MARCHF1: variants seen among roughly 807,000 people sequenced by gnomAD.
MARCHF1 encodes the protein E3 ubiquitin-protein ligase MARCHF1.
Under a neutral mutation model 54.2 loss-of-function variants are expected in MARCHF1, and 40 were observed. The observed-to-expected ratio is 0.74, with a 90% CI of 0.57 to 0.96. The LOEUF is 0.96. MARCHF1 is among the 40% of genes least tolerant of loss of function. The pLI is 0.00. For synonymous variants in MARCHF1, 236 were observed against 236.3 expected, an observed-to-expected ratio of 1.00 and a Z score of 0.01; for missense variants, 586 against 656.5, an observed-to-expected ratio of 0.89 and a Z score of 1.17.
chr4:164,096,856 T>C (rs73871761), intron 2 of MARCHF1, among the ~76,000 whole-genome samples: 14 of 152,120 alleles, frequency 9.2e-5, no homozygotes, highest in Non-Finnish European at 1.6e-4. Context: ...AGAAATTTAT[T>C]TGAAAACATT....
intron 1 of MARCHF1, among the ~76,000 whole-genome samples, chr4:164,184,544 CA>C (rs1218096454): frequency 6.6e-6 from 1 of 152,150 alleles, no homozygotes; most frequent in African/African-American, 2.4e-5. Flanking sequence ...AGGGTTATAC[CA>C]GTTAAATAGT....
chr4:164,197,615 T>C (rs746351861), intron 1 of MARCHF1: 37 of 1,612,974 alleles, frequency 2.3e-5, no homozygotes, highest in Non-Finnish European at 3.1e-5. Context: ...GCTTCGAGTT[T>C]GCCTTCATTC....
intron 5 of MARCHF1, among the ~76,000 whole-genome samples, chr4:163,682,138 C>T (rs939802805): frequency 2.6e-5 from 4 of 152,142 alleles, no homozygotes; most frequent in African/African-American, 9.7e-5. Flanking sequence ...ATGCTCTAAC[C>T]AAGAGACTGG....
At chr4:164,073,305 A>G (rs966225808) in intron 2 of MARCHF1, among the ~76,000 whole-genome samples, 17 of 152,214 alleles carry the variant, frequency 1.1e-4, no homozygotes, top group Admixed American at 3.9e-4. Flanking sequence ...ACCATGGAAT[A>G]CTATGCAGCC....
At chr4:163,714,803 AGG>A (rs1365202818) in intron 4 of MARCHF1, among the ~76,000 whole-genome samples, 1 of 152,072 alleles carries the variant, frequency 6.6e-6, no homozygotes, top group Non-Finnish European at 1.5e-5. Context: ...AACAGTAGCT[AGG>A]ACTACAGGCA....
intron 7 of MARCHF1, among the ~76,000 whole-genome samples, chr4:163,595,226 G>T (rs1212421398): frequency 1.4e-5 from 2 of 145,756 alleles, no homozygotes; most frequent in African/African-American, 5.1e-5. Context: ...AAGAAAATAT[G>T]GTATAAGCCA....
At chr4:164,079,788 A>G (rs1755056976) in intron 2 of MARCHF1, among the ~76,000 whole-genome samples, 1 of 152,160 alleles carries the variant, frequency 6.6e-6, no homozygotes, top group Admixed American at 6.5e-5. Flanking sequence ...GAAATTTCAC[A>G]ACACACATTC....
chr4:164,344,842 T>G (rs1730032020), intron 1 of MARCHF1, among the ~76,000 whole-genome samples: 1 of 152,164 alleles, frequency 6.6e-6, no homozygotes, highest in African/African-American at 2.4e-5. Context: ...CATTACAAAT[T>G]AAAGAAACTG....
chr4:163,774,501 G>GC lies in MARCHF1; in HGVS notation c.112-73639dup, dbSNP rs767124706. On this transcript the variant is annotated intron_variant, in intron 4 of 9. Coordinates refer to ENST00000514618, the MANE Select transcript of MARCHF1 (RefSeq NM_001394959.1). ...TATGTTTAGTGCACTCAAGTGTTAG[G>GC]CTTTTTTTTTTTTTTTGACAGAGTC... is the stretch of plus-strand genomic sequence containing the variant. Among the ~76,000 whole-genome samples, 12 of 40,080 alleles carry GC rather than the reference G, an allele frequency of 3.0e-4. No homozygotes were observed. The East Asian group carries it at 0.014, about 46-fold the overall frequency. 26.3% of individuals were successfully genotyped at this position (40,080 alleles called of 152,430 possible).
intron 4 of MARCHF1, among the ~76,000 whole-genome samples, chr4:163,768,494 A>C (rs1747057173): frequency 6.6e-6 from 1 of 152,238 alleles, no homozygotes. Flanking sequence ...GGGGAAAAAC[A>C]AAAAAAGTTC....
chr4:163,682,987 G>A (rs1744154397), intron 5 of MARCHF1, among the ~76,000 whole-genome samples: 1 of 152,196 alleles, frequency 6.6e-6, no homozygotes, highest in Non-Finnish European at 1.5e-5. Flanking sequence ...GCATTAAAAT[G>A]TATTGTTGTA....
intron 2 of MARCHF1, among the ~76,000 whole-genome samples, chr4:164,097,465 T>C (rs993549057): frequency 3.9e-5 from 6 of 152,214 alleles, no homozygotes; most frequent in African/African-American, 1.4e-4. Flanking sequence ...TAAACTATGA[T>C]TTATACTCAT....
chr4:164,339,365 T>C (rs1404935430), intron 1 of MARCHF1, among the ~76,000 whole-genome samples: 1 of 152,190 alleles, frequency 6.6e-6, no homozygotes. Flanking sequence ...AAGGTTAGAA[T>C]AATAATTATC....
chr4:163,846,644 T>C (rs1749492653), intron 4 of MARCHF1, among the ~76,000 whole-genome samples: 1 of 152,148 alleles, frequency 6.6e-6, no homozygotes, highest in Non-Finnish European at 1.5e-5. Flanking sequence ...ACAGAAGTAA[T>C]TTTGTAATCA....
intron 4 of MARCHF1, among the ~76,000 whole-genome samples, chr4:163,717,229 G>C (rs1745292508): frequency 6.9e-6 from 1 of 144,158 alleles, no homozygotes; most frequent in African/African-American, 2.6e-5. Context: ...TCCCACCTAT[G>C]AGTGAGAACA....
intron 1 of MARCHF1, among the ~76,000 whole-genome samples, chr4:164,293,584 T>C (rs1171827948): frequency 6.6e-6 from 1 of 152,256 alleles, no homozygotes; most frequent in Non-Finnish European, 1.5e-5. Context: ...AATACAATGA[T>C]ATTTTAGTGT....
At chr4:164,068,865 G>C (rs1045852849) in intron 2 of MARCHF1, among the ~76,000 whole-genome samples, 1 of 152,222 alleles carries the variant, frequency 6.6e-6, no homozygotes, top group African/African-American at 2.4e-5. Flanking sequence ...TTAAGGGATT[G>C]TAAATACACC....
chr4:163,978,008 T>C lies in MARCHF1; in HGVS notation c.-39+10493A>G, dbSNP rs116637922. On this transcript the variant is annotated intron_variant, in intron 3 of 9. Transcript: ENST00000514618. ...AATATTTAAAATATTCAAAAGCCCATGAAATGTTGAAAAAATTAGCATAAA... is the reference window on the plus strand; with the variant it reads ...AATATTTAAAATATTCAAAAGCCCACGAAATGTTGAAAAAATTAGCATAAA... 2.0e-3 allele frequency among the ~76,000 whole-genome samples: 310 copies of C among 152,264 alleles called. 1 individual carries two copies. Among genetic ancestry groups the C allele is most frequent in the African/African-American group, 7.3e-3 (303 of 41,564 alleles).
At chr4:163,670,708 A>T (rs1166783452) in intron 5 of MARCHF1, among the ~76,000 whole-genome samples, 1 of 152,168 alleles carries the variant, frequency 6.6e-6, no homozygotes, top group Non-Finnish European at 1.5e-5. Context: ...ATTTTCTAAA[A>T]GATTATTCAC....
Sources: allele counts gnomAD v4.1 joint callset (sites outside exome capture counted in the v4.1 genomes callset), GRCh38; gene constraint gnomAD v4.1.1; transcripts MANE v1.5; gene names NCBI Gene and HGNC (gene_info 2026-07-23, HGNC 2026-07-21).